The following MACF1 variants were observed in gnomAD, a reference collection of about 807,000 sequenced individuals.
MACF1 encodes microtubule actin crosslinking factor 1, also known as microtubule-actin cross-linking factor 1.
In MACF1, 193 loss-of-function variants were observed where a neutral mutation model predicts 854.8. The ratio of observed to expected loss-of-function variants is 0.23; its 90% CI spans 0.20 to 0.25. The LOEUF is 0.25. MACF1 is among the 10% of genes least tolerant of loss of function. The pLI, the probability that MACF1 is intolerant of heterozygous loss-of-function variation, is 1.00. For synonymous variants in MACF1, 3,185 were observed against 3,226.7 expected (o/e 0.99, Z 0.44); for missense variants, 7,722 against 8,929.1 (o/e 0.86, Z 5.45).
At chr1:39,383,745 C>T (rs959479764) in intron 56 of MACF1, among the ~76,000 whole-genome samples, 1 of 151,832 alleles carries the variant, frequency 6.6e-6, no homozygotes, top group Non-Finnish European at 1.5e-5. Flanking sequence ...GGTGTGGTGG[C>T]GGGTGCCTGT....
At chr1:39,478,640 T>C (rs962290938) in intron 97 of MACF1, among the ~76,000 whole-genome samples, 3 of 152,260 alleles carry the variant, frequency 2.0e-5, no homozygotes, top group Non-Finnish European at 2.9e-5. Context: ...TGGACACTTA[T>C]GCAACCTGAT....
rs544484705 is a variant in MACF1 at position 39,120,163 on chromosome 1, C to T, written c.220+35725C>T. Among the ~76,000 whole-genome samples the T allele has an allele frequency of 4.6e-5, 7 of 151,888 alleles. No homozygotes were observed. The East Asian group carries it at 5.8e-4, about 13-fold the overall frequency. ...CCTCCGAAAGTGCTGGGATTACAGG[C>T]GTGAGCCACCGCACCTGGCCAATAA... On this transcript the variant is annotated intron_variant, in intron 2 of 93. Transcript: ENST00000361689.
Position 39,105,749 on chromosome 1 carries a change from C to T in MACF1, c.220+21311C>T, listed in dbSNP as rs1302906706. On this transcript the variant is annotated intron_variant, in intron 2 of 93. Transcript: ENST00000361689. This position sits in a 1 kb window ranked among gnomAD's most constrained non-coding sequence, Gnocchi z 5.9. The stretch of plus-strand genomic sequence containing the variant: ...CCGGGGACTGGCCGGCGCTGAGGCC[C>T]GCGGGCCGGCGCAGCGTGGCCTTCG... 9.1e-7 allele frequency: 1 copy of T among 1,101,292 alleles called. No individual in the cohort carries two copies. Among genetic ancestry groups the T allele is most frequent in the Non-Finnish European group, 1.1e-6 (1 of 888,384 alleles). 68.2% of individuals were successfully genotyped at this position (1,101,292 alleles called of 1,614,324 possible).
intron 99 of MACF1, among the ~76,000 whole-genome samples, chr1:39,483,386 G>A (rs1645051245): frequency 6.6e-6 from 1 of 152,170 alleles, no homozygotes; most frequent in South Asian, 2.1e-4. Flanking sequence ...TCTCTACTAA[G>A]GTCATCCTTT....
intron 58 of MACF1, among the ~76,000 whole-genome samples, chr1:39,415,431 G>T (rs1643257013): frequency 6.7e-6 from 1 of 149,846 alleles, no homozygotes; most frequent in Non-Finnish European, 1.5e-5. Context: ...CACCTCCCGG[G>T]TTCACGCCAT....
Position 39,287,242 on chromosome 1 carries a change from C to T in MACF1, c.1509-44C>T, listed in dbSNP as rs1047529843. ...GAAGATTTTATTTTTAAAAACTATA[C>T]TATAGATTTAAATCCTTTCCTTTTT... On this transcript the variant is annotated intron_variant, in intron 14 of 100. Coordinates refer to ENST00000564288, the MANE Select transcript of MACF1 (RefSeq NM_001394062.1). 2.5e-6 allele frequency: 4 copies of T among 1,576,472 alleles called. No homozygotes were observed. In the African/African-American group the frequency reaches 5.4e-5, roughly 21 times the overall value.
intron 58 of MACF1, chr1:39,410,297 T>C (rs761931800): frequency 1.2e-6 from 2 of 1,610,260 alleles, no homozygotes; most frequent in Non-Finnish European, 1.7e-6. Flanking sequence ...CCAGACTGTT[T>C]AAGGCGGAAC....
At chr1:39,328,854 T>G (rs1005402164) in intron 36 of MACF1, 1 of 152,208 alleles carries the variant, frequency 6.6e-6, no homozygotes, top group African/African-American at 2.4e-5. Context: ...CCTTCAATTA[T>G]ATGAGGGTGT....
intron 2 of MACF1, among the ~76,000 whole-genome samples, chr1:39,128,284 C>T (rs1047876693): frequency 6.6e-6 from 1 of 152,068 alleles, no homozygotes; most frequent in East Asian, 1.9e-4. Flanking sequence ...TTCACAGGCA[C>T]CATCATAGCA....
At chr1:39,346,521 CTTTT>C (rs527394465) in intron 40 of MACF1, among the ~76,000 whole-genome samples, 1 of 137,988 alleles carries the variant, frequency 7.2e-6, no homozygotes, top group Admixed American at 7.3e-5. Flanking sequence ...GTGAGAGAGA[CTTTT>C]TTTTTTTTTT....
At chr1:39,445,984 A>G (rs912670494) in intron 80 of MACF1, among the ~76,000 whole-genome samples, 8 of 152,224 alleles carry the variant, frequency 5.3e-5, no homozygotes, top group Admixed American at 4.6e-4. Context: ...CAATCCTTGG[A>G]CAGGCTGTCA....
chr1:39,175,360 A>C (rs1644009211), intron 2 of MACF1, among the ~76,000 whole-genome samples: 1 of 152,238 alleles, frequency 6.6e-6, no homozygotes, highest in Non-Finnish European at 1.5e-5. Flanking sequence ...ATGAAAAAAT[A>C]AGTATTCTCA....
chr1:39,239,235 C>T (rs930096141), intron 2 of MACF1, among the ~76,000 whole-genome samples: 8 of 152,230 alleles, frequency 5.3e-5, no homozygotes, highest in East Asian at 1.9e-4. Context: ...GAGCTGAGAT[C>T]GTGCCACCGC....
intron 6 of MACF1, among the ~76,000 whole-genome samples, chr1:39,265,492 G>A (rs2490950): frequency 0.9 from 136,477 of 152,186 alleles, 62,545 homozygotes; most frequent in South Asian, 0.99. Flanking sequence ...AAATACATCT[G>A]ATATACCTAC....
chr1:39,415,915 A>C (rs1412705842), intron 58 of MACF1, among the ~76,000 whole-genome samples: 2 of 152,160 alleles, frequency 1.3e-5, no homozygotes, highest in Non-Finnish European at 2.9e-5. Context: ...CCTTCTTCAT[A>C]GCAGGCATTT....
At chr1:39,340,356 C>T in intron 38 of MACF1, 146 bp from the exon 39 acceptor site, 1 of 617,806 alleles carries the variant, frequency 1.6e-6, no homozygotes, top group Middle Eastern at 4.3e-4. Context: ...ATTGTGAGAA[C>T]CAAGTAAACT....
intron 6 of MACF1, among the ~76,000 whole-genome samples, chr1:39,260,809 T>A (rs1284411744): frequency 6.6e-6 from 1 of 152,218 alleles, no homozygotes; most frequent in Non-Finnish European, 1.5e-5. Flanking sequence ...CAGGGTTTTG[T>A]TTAACCTCTT....
intron 67 of MACF1, 21 bp from the exon 68 acceptor site, chr1:39,433,027 A>T: frequency 6.8e-7 from 1 of 1,469,754 alleles, no homozygotes; most frequent in Admixed American, 1.8e-5. Flanking sequence ...TTACTTCTTA[A>T]CTACAGTTTA....
intron 6 of MACF1, among the ~76,000 whole-genome samples, chr1:39,274,214 T>C (rs1040639538): frequency 6.6e-6 from 1 of 151,492 alleles, no homozygotes; most frequent in Non-Finnish European, 1.5e-5. Flanking sequence ...AAGAAAAAAA[T>C]TGTATAAAAA....
Sources: gnomAD v4.1 joint callset for allele counts (sites outside exome capture counted in the v4.1 genomes callset) on GRCh38, gnomAD v4.1.1 for gene constraint, Gnocchi (gnomAD v3.1) non-coding constraint, MANE v1.5 for transcripts, NCBI Gene and HGNC (gene_info 2026-07-23, HGNC 2026-07-21) for gene names.